Variants in FCRL2 observed in about 807,000 individuals in gnomAD.
FCRL2 encodes the protein Fc receptor like 2, also known as Fc receptor-like protein 2.
Under a neutral mutation model 59.8 loss-of-function variants are expected in FCRL2, and 48 were observed. That is an observed-to-expected ratio of 0.80 (90% confidence interval 0.64 to 1.02). FCRL2 has a LOEUF of 1.02. FCRL2 is among the 50% of genes least tolerant of loss of function. The pLI, the probability that FCRL2 is intolerant of heterozygous loss-of-function variation, is 0.00. For missense variants in FCRL2, 658 were observed against 597.3 expected (o/e 1.10, Z -1.06); for synonymous variants, 251 against 229.5 (o/e 1.09, Z -0.85).
intron 7 of FCRL2, among the ~76,000 whole-genome samples, chr1:157,758,938 T>C (rs1648812173): frequency 6.6e-6 from 1 of 152,128 alleles, no homozygotes; most frequent in Admixed American, 6.6e-5. Context: ...TCAAGATGGA[T>C]CAAATTCTTA....
chr1:157,746,705 T>G lies in FCRL2; in HGVS notation c.*31A>C. The G allele has an allele frequency of 1.2e-6, 2 of 1,607,964 alleles. No individual in the cohort carries two copies. The highest frequency in any genetic ancestry group is 1.7e-6 in the Non-Finnish European group (2 of 1,174,500). The stretch of plus-strand genomic sequence containing the variant: ...AGTCTTAATGATGCCCCATCCTTGC[T>G]GTTGATCTTCCCTTCTGATTCCTCC... On this transcript the variant is annotated 3_prime_UTR_variant, in exon 12 of 12. Coordinates refer to ENST00000361516, the MANE Select transcript of FCRL2 (RefSeq NM_030764.4).
Position 157,766,877 on chromosome 1 carries a change from A to G in FCRL2, c.1257T>C (p.Tyr419=). The G allele has an allele frequency of 6.2e-7, 1 of 1,614,194 alleles. No homozygotes were observed. Among genetic ancestry groups the G allele is most frequent in the Non-Finnish European group, 8.5e-7 (1 of 1,180,032 alleles). Residue 419 remains tyrosine (Y), a synonymous_variant, in exon 7 of 12, where the codon TAT becomes TAC. Transcript: ENST00000361516. The stretch of plus-strand genomic sequence containing the variant: ...AACCTGATATCTTGTGGAACAAGGC[A>G]TACAACAGCAAAGCAACACCAGTGA... ...LGFTGVALLL[Y]ALFHKISGES...
At chr1:157,748,470 AAATAAAT>A in intron 10 of FCRL2, 76 bp downstream of exon 10, 1 of 632,268 alleles carries the variant, frequency 1.6e-6, no homozygotes, top group Non-Finnish European at 2.5e-6. Flanking sequence ...ATAAATAAAT[AAATAAAT>A]AAAGCCTCTA....
chr1:157,754,682 T>C (rs928579796), intron 7 of FCRL2, among the ~76,000 whole-genome samples: 1 of 151,984 alleles, frequency 6.6e-6, no homozygotes, highest in Non-Finnish European at 1.5e-5. Flanking sequence ...GAAGAAAATA[T>C]GGGCCTGGCA....
At chr1:157,766,661 C>G in intron 7 of FCRL2, 194 bp downstream of exon 7, 1 of 762,964 alleles carries the variant, frequency 1.3e-6, no homozygotes, top group East Asian at 2.8e-5. Flanking sequence ...GCACAGGGAA[C>G]AGTGACATAT....
chr1:157,762,771 G>T (rs1028353545), intron 7 of FCRL2, among the ~76,000 whole-genome samples: 2 of 152,176 alleles, frequency 1.3e-5, no homozygotes, highest in African/African-American at 4.8e-5. Context: ...TCCAGGCCAA[G>T]AGAGAATGGT....
intron 4 of FCRL2, chr1:157,769,448 G>A (rs1308004862): frequency 1.2e-5 from 2 of 161,680 alleles, no homozygotes; most frequent in Non-Finnish European, 2.7e-5. Flanking sequence ...GTTTTTTTGA[G>A]ACGGAGTCTC....
chr1:157,755,798 C>A (rs1477692363), intron 7 of FCRL2, among the ~76,000 whole-genome samples: 2 of 152,048 alleles, frequency 1.3e-5, no homozygotes, highest in African/African-American at 4.8e-5. Context: ...AAATAAAGAA[C>A]ATGTATGTAT....
chr1:157,748,968 A>C lies in FCRL2; in HGVS notation c.1308-8T>G. On this transcript the variant is annotated splice_polypyrimidine_tract_variant and splice_region_variant and intron_variant, in intron 8 of 11. Coordinates refer to ENST00000361516, the MANE Select transcript of FCRL2 (RefSeq NM_030764.4). ...TTTGGCCTGGAAGCCCCTCTGTGAGAAAGTGAATTAATTGTATGATAATCC... is the reference window on the plus strand; with the variant it reads ...TTTGGCCTGGAAGCCCCTCTGTGAGCAAGTGAATTAATTGTATGATAATCC... 1 of 1,611,262 alleles carries C rather than the reference A, an allele frequency of 6.2e-7. No homozygotes were observed. Among genetic ancestry groups the C allele is most frequent in the South Asian group, 1.1e-5 (1 of 90,978 alleles).
chr1:157,768,627 G>C lies in FCRL2; in HGVS notation c.670C>G (p.Leu224Val). Reference protein sequence around the residue: ...GQVTEGQKLILLCSVAGGTGN... With the variant: ...GQVTEGQKLIVLCSVAGGTGN... ...GTACCCCCAGCCACTGAGCAGAGCA[G>C]GATCAGTTTTTGTCCTTCAGTCACC... The change falls in exon 5 of 12, where the codon CTG (leucine) becomes GTG (valine). Residue 224 changes from leucine to valine, a missense_variant. Coordinates refer to ENST00000361516, the MANE Select transcript of FCRL2 (RefSeq NM_030764.4). 1 of 1,614,206 alleles carries C rather than the reference G, an allele frequency of 6.2e-7. No homozygotes were observed. The highest frequency in any genetic ancestry group is 8.5e-7 in the Non-Finnish European group (1 of 1,180,026).
intron 6 of FCRL2, 121 bp from the exon 7 acceptor site, chr1:157,767,092 T>C (rs758354303): frequency 1.5e-5 from 20 of 1,299,928 alleles, no homozygotes; most frequent in Non-Finnish European, 2.0e-5. Flanking sequence ...TAGTCTGTAC[T>C]CTTCAGGTTA....
At chr1:157,765,484 A>G (rs1235578572) in intron 7 of FCRL2, among the ~76,000 whole-genome samples, 1 of 152,224 alleles carries the variant, frequency 6.6e-6, no homozygotes, top group African/African-American at 2.4e-5. Flanking sequence ...ACATGAATAC[A>G]ACCAAAAAAG....
intron 7 of FCRL2, among the ~76,000 whole-genome samples, chr1:157,755,802 T>C (rs1648545585): frequency 6.6e-6 from 1 of 152,228 alleles, no homozygotes; most frequent in South Asian, 2.1e-4. Flanking sequence ...AAAGAACATG[T>C]ATGTATACAA....
At position 157,770,722 on chromosome 1, in the gene FCRL2, C is replaced by T. The variant is rs1393473000; in HGVS notation, c.53-56G>A. ...CATTTCTGCAGAGAACCCAGACAGACTCCATTGGCAGTGAGGTGGTCTCAG... is the reference window on the plus strand; with the variant it reads ...CATTTCTGCAGAGAACCCAGACAGATTCCATTGGCAGTGAGGTGGTCTCAG... On this transcript the variant is annotated intron_variant, in intron 2 of 11. Transcript: ENST00000361516. 1.9e-6 allele frequency: 3 copies of T among 1,595,432 alleles called. No homozygotes were observed. The East Asian group carries it at 6.7e-5, about 36-fold the overall frequency.
intron 7 of FCRL2, among the ~76,000 whole-genome samples, chr1:157,760,583 G>T (rs1648945932): frequency 6.6e-6 from 1 of 150,848 alleles, no homozygotes; most frequent in South Asian, 2.1e-4. Context: ...AGCCAAGATT[G>T]TTCATTGCAC....
intron 7 of FCRL2, among the ~76,000 whole-genome samples, chr1:157,753,082 C>T (rs973745072): frequency 6.6e-6 from 1 of 152,090 alleles, no homozygotes; most frequent in Non-Finnish European, 1.5e-5. Context: ...AATAGGGCAT[C>T]AAAGTTAGAT....
chr1:157,767,993 A>C (rs1649657234), intron 5 of FCRL2: 2 of 246,334 alleles, frequency 8.1e-6, no homozygotes, highest in South Asian at 1.8e-4. Context: ...ACACCAGTAA[A>C]TCACCAATAA....
chr1:157,753,759 G>A (rs1648375623), intron 7 of FCRL2, among the ~76,000 whole-genome samples: 1 of 152,098 alleles, frequency 6.6e-6, no homozygotes, highest in Non-Finnish European at 1.5e-5. Flanking sequence ...TCACAAGGTT[G>A]GTGTTTCTGA....
At chr1:157,751,604 C>T (rs1235477932) in intron 7 of FCRL2, among the ~76,000 whole-genome samples, 1 of 152,112 alleles carries the variant, frequency 6.6e-6, no homozygotes, top group Admixed American at 6.5e-5. Flanking sequence ...CAATGGTGTG[C>T]AAGTGTTTCT....
Sources: gnomAD v4.1 joint callset for allele counts (sites outside exome capture counted in the v4.1 genomes callset) on GRCh38, gnomAD v4.1.1 for gene constraint, MANE v1.5 for transcripts, NCBI Gene and HGNC (gene_info 2026-07-23, HGNC 2026-07-21) for gene names.